SLC25A38: variants seen among roughly 807,000 people sequenced by gnomAD.
SLC25A38 encodes mitochondrial glycine transporter.
Under a neutral mutation model 33.4 loss-of-function variants are expected in SLC25A38, and 27 were observed. The observed-to-expected ratio is 0.81, with a 90% CI of 0.60 to 1.11. The LOEUF is 1.11. Among genes scored for constraint, SLC25A38 ranks in the 50% most tolerant of loss-of-function variants. The pLI, the probability that SLC25A38 is intolerant of heterozygous loss-of-function variation, is 0.00. For missense variants in SLC25A38, 344 were observed against 388.8 expected (o/e 0.88, Z 0.97); for synonymous variants, 123 against 145.9 (o/e 0.84, Z 1.13).
chr3:39,383,922 C>T, intron 1 of SLC25A38, 129 bp downstream of exon 1: 1 of 1,039,360 alleles, frequency 9.6e-7, no homozygotes, highest in East Asian at 2.6e-5. Context: ...TAGGATGCGG[C>T]GGGAGAGGAG....
rs1285307410 is a variant in SLC25A38 at position 39,395,919 on chromosome 3, A to AG, written c.793-479_793-478insG. Reference sequence around the variant, plus strand: ...AAGCCCAGCAACTACAAAAAAAAAAAATGGTTTTTGGCCAAGCGCGGTAGC... The same window carrying AG: ...AAGCCCAGCAACTACAAAAAAAAAAAGATGGTTTTTGGCCAAGCGCGGTAGC... On this transcript the variant is annotated intron_variant, in intron 6 of 6. Coordinates refer to ENST00000650617, the MANE Select transcript of SLC25A38 (RefSeq NM_017875.4). Among the ~76,000 whole-genome samples the AG allele has an allele frequency of 4.0e-5, 6 of 151,648 alleles. No individual in the cohort carries two copies. The East Asian group carries it at 1.2e-3, about 29-fold the overall frequency.
At chr3:39,384,267 C>T (rs115072192) in intron 1 of SLC25A38, among the ~76,000 whole-genome samples, 1,922 of 152,336 alleles carry the variant, frequency 0.013, 41 homozygotes, top group African/African-American at 0.044. Context: ...TGGCGGCACC[C>T]TTCCAGCCTG....
chr3:39,384,195 A>G (rs944496628), intron 1 of SLC25A38, among the ~76,000 whole-genome samples: 3 of 152,204 alleles, frequency 2.0e-5, no homozygotes, highest in Admixed American at 2.0e-4. Context: ...TTGATGCCGC[A>G]GCGAGCTGGC....
At position 39,394,959 on chromosome 3, in the gene SLC25A38, A is replaced by AG. The variant is rs1326339992; in HGVS notation, c.792+386dup. Among the ~76,000 whole-genome samples the AG allele has an allele frequency of 4.3e-5, 6 of 138,062 alleles. No individual in the cohort carries two copies. In the East Asian group the frequency reaches 1.3e-3, roughly 30 times the overall value. 90.6% of individuals were successfully genotyped at this position (138,062 alleles called of 152,430 possible). ...CTAGGGTAAAGTACTATTTAGTCAGAGGGAAAAAAAAAACCCACACAAACA... is the reference window on the plus strand; with the variant it reads ...CTAGGGTAAAGTACTATTTAGTCAGAGGGGAAAAAAAAAACCCACACAAACA... On this transcript the variant is annotated intron_variant, in intron 6 of 6. Coordinates refer to ENST00000650617, the MANE Select transcript of SLC25A38 (RefSeq NM_017875.4).
Position 39,389,254 on chromosome 3 carries a change from A to C in SLC25A38, c.70-241A>C. ...GAAATAGTTTTGCTCCCACTGAGCA[A>C]TATGTCTATCAGCAATACGAAGACC... On this transcript the variant is annotated intron_variant, in intron 1 of 6. Coordinates refer to ENST00000650617, the MANE Select transcript of SLC25A38 (RefSeq NM_017875.4). The surrounding 1 kb of genome is among the most constrained non-coding windows in gnomAD (Gnocchi z 4.5). 1.4e-6 allele frequency: 1 copy of C among 710,242 alleles called. No homozygotes were observed. The highest frequency in any genetic ancestry group is 2.5e-6 in the Non-Finnish European group (1 of 394,258). 44.0% of individuals were successfully genotyped at this position (710,242 alleles called of 1,614,324 possible).
At position 39,391,550 on chromosome 3, in the gene SLC25A38, TG is replaced by T. The variant is rs1424723348; in HGVS notation, c.391del (p.Val131TrpfsTer16). On this transcript the variant is annotated frameshift_variant, in exon 4 of 7. Coordinates refer to ENST00000650617, the MANE Select transcript of SLC25A38 (RefSeq NM_017875.4). LOFTEE classifies it high-confidence loss of function. ...CCAACCGCCCTGGAGTCAGTCATGC[TG>T]GGGGTGGGCTCTCGCTCTGTTGCAG... ...HPPTALESVMLGVGSRSVAGV... is the reference protein window; with the variant it reads ...HPPTALESVMXGVGSRSVAGV... 6.2e-7 allele frequency: 1 copy of T among 1,614,106 alleles called. No individual in the cohort carries two copies. The highest frequency in any genetic ancestry group is 8.5e-7 in the Non-Finnish European group (1 of 1,180,048).
At chr3:39,386,448 C>T (rs1258363875) in intron 1 of SLC25A38, among the ~76,000 whole-genome samples, 2 of 152,152 alleles carry the variant, frequency 1.3e-5, no homozygotes, top group Admixed American at 6.5e-5. Flanking sequence ...GTGACACACA[C>T]CTGTGGTCCC....
rs1407630131 is a variant in SLC25A38, at chr3:39,391,227, A to G, written c.277-214A>G. 3.3e-5 allele frequency among the ~76,000 whole-genome samples: 5 copies of G among 152,204 alleles called. No homozygotes were observed. The East Asian group carries it at 9.6e-4, about 29-fold the overall frequency. On this transcript the variant is annotated intron_variant, in intron 3 of 6. Coordinates refer to ENST00000650617, the MANE Select transcript of SLC25A38 (RefSeq NM_017875.4). The stretch of plus-strand genomic sequence containing the variant: ...ATTCCCAGAGTTCCCCAGTGGGATT[A>G]AGTTGCCCACAGCAGAAACTGGTTT...
chr3:39,384,222 C>T (rs1032911016), intron 1 of SLC25A38, among the ~76,000 whole-genome samples: 1 of 152,212 alleles, frequency 6.6e-6, no homozygotes, highest in Non-Finnish European at 1.5e-5. Flanking sequence ...GCGCTGTGCG[C>T]CCGCGGGCGG....
At chr3:39,384,064 G>A (rs1294187381) in intron 1 of SLC25A38, among the ~76,000 whole-genome samples, 2 of 152,226 alleles carry the variant, frequency 1.3e-5, no homozygotes, top group Non-Finnish European at 2.9e-5. Flanking sequence ...GACTGGACGC[G>A]TGCCGGGGAG....
chr3:39,396,036 C>T (rs908653605), intron 6 of SLC25A38, among the ~76,000 whole-genome samples: 2 of 151,918 alleles, frequency 1.3e-5, no homozygotes, highest in African/African-American at 4.8e-5. Context: ...TGGTGAAAAC[C>T]CCATCTCAAC....
At chr3:39,394,119 A>G (rs2041804190) in intron 5 of SLC25A38, among the ~76,000 whole-genome samples, 1 of 152,238 alleles carries the variant, frequency 6.6e-6, no homozygotes, top group African/African-American at 2.4e-5. Context: ...TTGTGGGAAG[A>G]TAACTTTGAA....
chr3:39,393,894 T>C (rs1347092231), intron 5 of SLC25A38, among the ~76,000 whole-genome samples: 1 of 152,256 alleles, frequency 6.6e-6, no homozygotes, highest in African/African-American at 2.4e-5. Flanking sequence ...GTTATATACC[T>C]CATTGTGGGT....
rs1415630935 is a variant in SLC25A38 at position 39,389,239 on chromosome 3, T to C, written c.70-256T>C. Reference sequence around the variant, plus strand: ...GTGGTCAGTGGCATGGAAATAGTTTTGCTCCCACTGAGCAATATGTCTATC... The same window carrying C: ...GTGGTCAGTGGCATGGAAATAGTTTCGCTCCCACTGAGCAATATGTCTATC... On this transcript the variant is annotated intron_variant, in intron 1 of 6. Coordinates refer to ENST00000650617, the MANE Select transcript of SLC25A38 (RefSeq NM_017875.4). The surrounding 1 kb of genome is among the most constrained non-coding windows in gnomAD (Gnocchi z 4.5). 2.0e-5 allele frequency: 14 copies of C among 687,908 alleles called. No individual in the cohort carries two copies. The highest frequency in any genetic ancestry group is 1.1e-4 in the South Asian group (7 of 64,406). The allele number at this position is 687,908 out of a possible 1,614,324, so 42.6% of individuals were successfully genotyped here.
At position 39,390,411 on chromosome 3, in the gene SLC25A38, G is replaced by T; in HGVS notation, c.192-12G>T. 1 of 1,614,112 alleles carries T rather than the reference G, an allele frequency of 6.2e-7. No homozygotes were observed. The highest frequency in any genetic ancestry group is 8.5e-7 in the Non-Finnish European group (1 of 1,179,974). ...ATTTTTTCCTTCCTGTCTCCATTTT[G>T]TCTGCTTTCAGGTCTAGACGTGTTG... On this transcript the variant is annotated splice_polypyrimidine_tract_variant and intron_variant, in intron 2 of 6. Transcript: ENST00000650617.
At chr3:39,393,851 AGTC>A (rs2041802020) in intron 5 of SLC25A38, among the ~76,000 whole-genome samples, 1 of 152,192 alleles carries the variant, frequency 6.6e-6, no homozygotes, top group Middle Eastern at 3.2e-3. Flanking sequence ...ACTTCGTAGT[AGTC>A]CTGTGTTTTA....
chr3:39,392,606 C>T lies in SLC25A38; in HGVS notation c.625+585C>T, dbSNP rs543282059. On this transcript the variant is annotated intron_variant, in intron 5 of 6. Coordinates refer to ENST00000650617, the MANE Select transcript of SLC25A38 (RefSeq NM_017875.4). ...ACCCCACCAGTTAGCTCAGGTTGGG[C>T]TAGACATGGACAAAATTGGTAGGCA... 7.5e-4 allele frequency among the ~76,000 whole-genome samples: 114 copies of T among 152,036 alleles called. 1 individual carries two copies. Among genetic ancestry groups the T allele is most frequent in the African/African-American group, 2.6e-3 (109 of 41,458 alleles).
At chr3:39,395,504 A>G (rs1285445407) in intron 6 of SLC25A38, among the ~76,000 whole-genome samples, 1 of 152,204 alleles carries the variant, frequency 6.6e-6, no homozygotes, top group Non-Finnish European at 1.5e-5. Context: ...CAAAGCAGAT[A>G]TTCTTGCTAA....
At chr3:39,395,218 G>T (rs942288802) in intron 6 of SLC25A38, among the ~76,000 whole-genome samples, 4 of 152,170 alleles carry the variant, frequency 2.6e-5, no homozygotes, top group African/African-American at 9.7e-5. Flanking sequence ...GCAGCCTGCG[G>T]GCTGTGGGTT....
Sources: allele counts gnomAD v4.1 joint callset (sites outside exome capture counted in the v4.1 genomes callset), GRCh38; gene constraint gnomAD v4.1.1; non-coding constraint Gnocchi (gnomAD v3.1); transcripts MANE v1.5; gene names NCBI Gene and HGNC (gene_info 2026-07-23, HGNC 2026-07-21).